The following MID2 variants were observed in gnomAD, a reference collection of about 807,000 sequenced individuals.
The protein encoded by MID2 is midline 2, also known as probable E3 ubiquitin-protein ligase MID2.
Under a neutral mutation model 46.1 loss-of-function variants are expected in MID2, and 13 were observed. That is an observed-to-expected ratio of 0.28 (90% CI 0.18 to 0.45). The LOEUF (loss-of-function observed/expected upper bound fraction) is 0.45. Ranked by LOEUF, MID2 falls within the 20% of genes least tolerant of loss-of-function variation. MID2 has a pLI of 1.00. For missense variants in MID2, 431 were observed against 575.4 expected (o/e 0.75, Z 2.57); for synonymous variants, 199 against 212.3 (o/e 0.94, Z 0.55).
intron 1 of MID2, among the ~76,000 whole-genome samples, chrX:107,828,310 C>CTTTTTTTTTTTTTTTTTT (rs766362742): frequency 6.0e-5 from 5 of 83,021 alleles, no homozygotes; most frequent in Non-Finnish European, 8.9e-5. Context: ...TCTTTCTTTT[C>CTTTTTTTTTTTTTTTTTT]TTTTTTTTTT....
intron 3 of MID2, among the ~76,000 whole-genome samples, chrX:107,886,883 C>G (rs942307192): frequency 8.9e-6 from 1 of 111,758 alleles, no homozygotes; most frequent in African/African-American, 3.3e-5. Context: ...CTCTTTGAAG[C>G]AATTGTGAAT....
intron 7 of MID2, 69 bp downstream of exon 7, chrX:107,917,808 C>A: frequency 2.1e-6 from 2 of 972,352 alleles, no homozygotes; most frequent in South Asian, 2.2e-5. Flanking sequence ...CTCCCCAGGG[C>A]ATTGCAAAGA....
At chrX:107,843,485 A>C (rs1235724859) in intron 2 of MID2, among the ~76,000 whole-genome samples, 2 of 112,249 alleles carry the variant, frequency 1.8e-5, no homozygotes, top group Admixed American at 9.5e-5. Flanking sequence ...CCAGATTTTG[A>C]ATAGTTCCCC....
intron 3 of MID2, among the ~76,000 whole-genome samples, chrX:107,859,962 G>A (rs758405226): frequency 8.9e-6 from 1 of 112,081 alleles, no homozygotes; most frequent in South Asian, 3.7e-4. Context: ...ACTTTAACCT[G>A]AGAAGTCTGG....
chrX:107,906,135 C>T (rs964020962), intron 5 of MID2, among the ~76,000 whole-genome samples: 2 of 111,710 alleles, frequency 1.8e-5, no homozygotes, highest in Non-Finnish European at 3.8e-5. Context: ...ATTTTCTATA[C>T]TATTTCAGAG....
intron 3 of MID2, among the ~76,000 whole-genome samples, chrX:107,901,863 G>C (rs1474947814): frequency 9.0e-6 from 1 of 111,697 alleles, no homozygotes; most frequent in Non-Finnish European, 1.9e-5. Flanking sequence ...TCGGGCAAAG[G>C]CACAGGACAT....
intron 7 of MID2, among the ~76,000 whole-genome samples, chrX:107,920,041 A>T (rs919975355): frequency 4.5e-5 from 5 of 112,016 alleles, no homozygotes; most frequent in Non-Finnish European, 9.4e-5. Flanking sequence ...TTGATAGAAA[A>T]TTTTGTTAGA....
intron 4 of MID2, among the ~76,000 whole-genome samples, chrX:107,904,827 G>A (rs1449838112): frequency 6.3e-5 from 7 of 111,457 alleles, no homozygotes; most frequent in East Asian, 2.8e-4. Context: ...TGGCTTGCTC[G>A]TCAGTGTTAG....
At chrX:107,864,149 C>T (rs951587834) in intron 3 of MID2, among the ~76,000 whole-genome samples, 14 of 112,167 alleles carry the variant, frequency 1.2e-4, no homozygotes, top group African/African-American at 4.5e-4. Context: ...GCCACCGATT[C>T]ATTTGTGCTC....
Position 107,913,926 on chromosome X carries a change from C to T in MID2, c.1074-2076C>T, listed in dbSNP as rs141105819. On this transcript the variant is annotated intron_variant, in intron 5 of 9. Coordinates refer to ENST00000262843, the MANE Select transcript of MID2 (RefSeq NM_012216.4). Reference sequence around the variant, plus strand: ...TTGTAACGTGGCCTACAAAGTCCTGCATGATTTTGTCTCATTCTCCAGGCT... The same window carrying T: ...TTGTAACGTGGCCTACAAAGTCCTGTATGATTTTGTCTCATTCTCCAGGCT... 6.2e-3 allele frequency among the ~76,000 whole-genome samples: 699 copies of T among 112,043 alleles called. 22 individuals carry two copies. The East Asian group carries it at 0.087, about 14-fold the overall frequency.
Position 107,885,134 on chromosome X carries a change from A to C in MID2, c.817-18824A>C, listed in dbSNP as rs866930659. Among the ~76,000 whole-genome samples, 4 of 105,249 alleles carry C rather than the reference A, an allele frequency of 3.8e-5. No individual in the cohort carries two copies. In the South Asian group the frequency reaches 1.6e-3, roughly 42 times the overall value. The allele number at this position is 105,249 out of a possible 115,157, so 91.4% of individuals were successfully genotyped here. On this transcript the variant is annotated intron_variant, in intron 3 of 9. Transcript: ENST00000262843. ...ATTTATTTATTTATTTATTTATTTT[A>C]TTATACTTTTAAGTTTTAGGGTACA... is the stretch of plus-strand genomic sequence containing the variant.
intron 3 of MID2, among the ~76,000 whole-genome samples, chrX:107,870,598 A>G (rs1413905709): frequency 2.7e-5 from 3 of 111,426 alleles, no homozygotes; most frequent in African/African-American, 9.8e-5. Flanking sequence ...ATAGTCCCTT[A>G]TAATTAATAT....
At chrX:107,854,531 A>T in intron 2 of MID2, 78 bp from the exon 3 acceptor site, 3 of 702,921 alleles carry the variant, frequency 4.3e-6, no homozygotes, top group South Asian at 2.3e-5. Flanking sequence ...TTTTCACATG[A>T]CATTGGTTCT....
At chrX:107,831,193 C>T (rs1409533766) in intron 1 of MID2, among the ~76,000 whole-genome samples, 1 of 111,456 alleles carries the variant, frequency 9.0e-6, no homozygotes, top group Non-Finnish European at 1.9e-5. Flanking sequence ...CATTTGTAAG[C>T]ATTATCCTAC....
intron 5 of MID2, among the ~76,000 whole-genome samples, chrX:107,915,273 T>C (rs961907725): frequency 2.6e-4 from 29 of 111,995 alleles, no homozygotes; most frequent in Admixed American, 9.4e-4. Context: ...AAAGATCACA[T>C]AGGTCAGGTG....
intron 3 of MID2, among the ~76,000 whole-genome samples, chrX:107,889,225 T>G (rs1333591757): frequency 8.9e-6 from 1 of 111,865 alleles, no homozygotes; most frequent in Non-Finnish European, 1.9e-5. Context: ...TCAATGGTCT[T>G]TACAATTTGG....
intron 5 of MID2, among the ~76,000 whole-genome samples, chrX:107,912,662 G>A (rs958368063): frequency 2.7e-5 from 3 of 111,050 alleles, no homozygotes; most frequent in South Asian, 3.8e-4. Context: ...CTCATTACAC[G>A]TTCTCCTTGT....
chrX:107,921,259 AT>A (rs956050692), intron 7 of MID2, among the ~76,000 whole-genome samples: 1 of 110,008 alleles, frequency 9.1e-6, no homozygotes, highest in African/African-American at 3.3e-5. Context: ...CCTTATTTTG[AT>A]TTTTTCTGAA....
rs138295131 is a variant in MID2 at position 107,881,739 on chromosome X, A to G, written c.817-22219A>G. On this transcript the variant is annotated intron_variant, in intron 3 of 9. Coordinates refer to ENST00000262843, the MANE Select transcript of MID2 (RefSeq NM_012216.4). Reference sequence around the variant, plus strand: ...ATGGTATTTGAAAAACCAGTATTAAATTCCTCTTCATAAAATACCTGATTC... The same window carrying G: ...ATGGTATTTGAAAAACCAGTATTAAGTTCCTCTTCATAAAATACCTGATTC... Among the ~76,000 whole-genome samples, 462 of 112,424 alleles carry G rather than the reference A, an allele frequency of 4.1e-3. 2 individuals are homozygous for G. The highest frequency in any genetic ancestry group is 0.014 in the African/African-American group (442 of 30,993).
Sources: gnomAD v4.1 joint callset for allele counts (sites outside exome capture counted in the v4.1 genomes callset) on GRCh38, gnomAD v4.1.1 for gene constraint, MANE v1.5 for transcripts, NCBI Gene and HGNC (gene_info 2026-07-23, HGNC 2026-07-21) for gene names.